SYCE1L: variants seen among roughly 807,000 people sequenced by gnomAD.
SYCE1L encodes the protein synaptonemal complex central element protein 1 like.
In SYCE1L, 51 loss-of-function variants were observed where a neutral mutation model predicts 39.6. The ratio of observed to expected loss-of-function variants is 1.29; its 90% confidence interval spans 1.03 to 1.63. SYCE1L has a LOEUF of 1.63. SYCE1L is among the 40% of genes most tolerant of loss of function. The pLI is 0.00. For synonymous variants in SYCE1L, 147 were observed against 122.4 expected, an observed-to-expected ratio of 1.20 and a Z score of -1.33; for missense variants, 426 against 304.9, an observed-to-expected ratio of 1.40 and a Z score of -2.96.
At chr16:77,212,094 C>A in intron 7 of SYCE1L, 36 bp from the exon 8 acceptor site, 1 of 1,533,740 alleles carries the variant, frequency 6.5e-7, no homozygotes, top group South Asian at 1.2e-5. Context: ...GCCAAGAGGA[C>A]GGCCAAACGG....
At chr16:77,200,424 C>G (rs1441504771) in intron 1 of SYCE1L, 1 of 151,236 alleles carries the variant, frequency 6.6e-6, no homozygotes, top group Non-Finnish European at 1.5e-5. Flanking sequence ...TGCACTCCAG[C>G]CTGGGTGACA....
At position 77,208,274 on chromosome 16, in the gene SYCE1L, A is replaced by C; in HGVS notation, c.181+5A>C. 6.4e-7 allele frequency: 1 copy of C among 1,551,636 alleles called. No individual in the cohort carries two copies. The highest frequency in any genetic ancestry group is 1.4e-5 in the African/African-American group (1 of 73,148). On this transcript the variant is annotated splice_donor_5th_base_variant and intron_variant, in intron 3 of 10. Coordinates refer to ENST00000378644, the MANE Select transcript of SYCE1L (RefSeq NM_001129979.3). ...GGATTAATGATCTTCAGCAAGGTAAACTTGGGGACTTAGACTGGCCAGCTG... is the reference window on the plus strand; with the variant it reads ...GGATTAATGATCTTCAGCAAGGTAACCTTGGGGACTTAGACTGGCCAGCTG...
In SYCE1L at chr16:77,200,256, G is replaced by GTATATATATATATGTATATATATATATA. The variant is rs2054719886; in HGVS notation, c.61+757_61+758insGTATATATATATATATATATATATATAT. On this transcript the variant is annotated intron_variant, in intron 1 of 10. Coordinates refer to ENST00000378644, the MANE Select transcript of SYCE1L (RefSeq NM_001129979.3). ...TGTATATATATATATATGTATATGT[G>GTATATATATATATGTATATATATATATA]TATATATATATATATGTGTATATAT... 5 of 83,636 alleles carry GTATATATATATATGTATATATATATATA rather than the reference G, an allele frequency of 6.0e-5. 1 individual carries two copies. Among genetic ancestry groups the GTATATATATATATGTATATATATATATA allele is most frequent in the African/African-American group, 1.5e-4 (4 of 26,958 alleles). The allele number at this position is 83,636 out of a possible 1,614,324, so 5.2% of individuals were successfully genotyped here. A position where few individuals can be genotyped will look rare whatever the true frequency, so the allele number is the denominator to read the frequency against.
chr16:77,209,985 C>G (rs928957532), intron 6 of SYCE1L, among the ~76,000 whole-genome samples: 4 of 152,208 alleles, frequency 2.6e-5, no homozygotes, highest in Non-Finnish European at 4.4e-5. Context: ...ATCATATATT[C>G]ACTTAGCCAA....
In SYCE1L at chr16:77,201,807, A is replaced by G. The variant is rs1391114970; in HGVS notation, c.61+2295A>G. On this transcript the variant is annotated intron_variant, in intron 1 of 10. Coordinates refer to ENST00000378644, the MANE Select transcript of SYCE1L (RefSeq NM_001129979.3). ...TGTATTAAATTATAAGTTCTAATTTAAATGTATTAAAATTAAATTATAAGT... is the reference window on the plus strand; with the variant it reads ...TGTATTAAATTATAAGTTCTAATTTGAATGTATTAAAATTAAATTATAAGT... 12 of 152,324 alleles carry G rather than the reference A, an allele frequency of 7.9e-5. 1 individual carries two copies. Among genetic ancestry groups the G allele is most frequent in the Admixed American group, 7.2e-4 (11 of 15,304 alleles). 9.4% of individuals were successfully genotyped at this position (152,324 alleles called of 1,614,324 possible). A position where few individuals can be genotyped will look rare whatever the true frequency, so the allele number is the denominator to read the frequency against.
chr16:77,206,742 C>A (rs962901028), intron 2 of SYCE1L, among the ~76,000 whole-genome samples: 3 of 152,152 alleles, frequency 2.0e-5, no homozygotes, highest in African/African-American at 7.2e-5. Flanking sequence ...CACCAGTCAT[C>A]TATTTCCCTG....
chr16:77,202,139 G>T (rs1567424059), intron 1 of SYCE1L: 1 of 152,232 alleles, frequency 6.6e-6, no homozygotes, highest in African/African-American at 2.4e-5. Context: ...TGGCACCTGA[G>T]GATCCTATAT....
chr16:77,200,921 C>G (rs185420784), intron 1 of SYCE1L: 1 of 152,118 alleles, frequency 6.6e-6, no homozygotes, highest in Non-Finnish European at 1.5e-5. Flanking sequence ...ACTGTTGTCA[C>G]CTTTCTGCCC....
At chr16:77,212,672 G>T (rs2142522704) in intron 10 of SYCE1L, 26 bp downstream of exon 10, 4 of 1,524,598 alleles carry the variant, frequency 2.6e-6, no homozygotes, top group Non-Finnish European at 3.5e-6. Flanking sequence ...AAGGGAGGCG[G>T]GGCGGGCAGG....
At position 77,213,120 on chromosome 16, in the gene SYCE1L, A is replaced by G; in HGVS notation, c.*189A>G. On this transcript the variant is annotated 3_prime_UTR_variant, in exon 11 of 11. Coordinates refer to ENST00000378644, the MANE Select transcript of SYCE1L (RefSeq NM_001129979.3). The stretch of plus-strand genomic sequence containing the variant: ...ACCAGTCGAGCCCCGGGCGCCGTAC[A>G]GAGGCTGGGTAAATGCTCCTGAACT... 6.0e-6 allele frequency: 3 copies of G among 497,806 alleles called. No individual in the cohort carries two copies. Among genetic ancestry groups the G allele is most frequent in the East Asian group, 3.5e-5 (1 of 28,952 alleles). The allele number at this position is 497,806 out of a possible 1,614,324, so 30.8% of individuals were successfully genotyped here. A position where few individuals can be genotyped will look rare whatever the true frequency, so the allele number is the denominator to read the frequency against.
At chr16:77,206,623 T>C (rs1038248533) in intron 2 of SYCE1L, 123 bp downstream of exon 2, 54 of 922,518 alleles carry the variant, frequency 5.9e-5, no homozygotes, top group African/African-American at 3.8e-4. Flanking sequence ...CTCCCTCTTA[T>C]ACAGTTTAAT....
At chr16:77,211,397 C>G in intron 7 of SYCE1L, 121 bp downstream of exon 7, 1 of 1,188,178 alleles carries the variant, frequency 8.4e-7, no homozygotes, top group Non-Finnish European at 1.2e-6. Context: ...TGATTCCTTG[C>G]TTCCGCTTGC....
At chr16:77,210,728 C>T (rs2054816586) in intron 6 of SYCE1L, among the ~76,000 whole-genome samples, 1 of 152,076 alleles carries the variant, frequency 6.6e-6, no homozygotes, top group Non-Finnish European at 1.5e-5. Flanking sequence ...CCATGGGGGA[C>T]AGGATGGACA....
Position 77,212,627 on chromosome 16 carries a change from T to C in SYCE1L, c.635T>C (p.Val212Ala), listed in dbSNP as rs13339340. 16 of 1,532,638 alleles carry C rather than the reference T, an allele frequency of 1.0e-5. No homozygotes were observed. In the African/African-American group the frequency reaches 1.5e-4, roughly 15 times the overall value. The allele number at this position is 1,532,638 out of a possible 1,614,324, so 94.9% of individuals were successfully genotyped here. A position where few individuals can be genotyped will look rare whatever the true frequency, so the allele number is the denominator to read the frequency against. The change falls in exon 10 of 11, where the codon GTC (valine) becomes GCC (alanine). Residue 212 changes from valine to alanine, a missense_variant. By Grantham distance (64) the Val-to-Ala change is moderately conservative. Transcript: ENST00000378644. ...FGEQVRSAPE[V>A]GAGEGEAGPE... is the part of the protein sequence containing the mutation. ...GAGCAGGTCCGGAGCGCCCCCGAGGTCGGGGCCGGCGAGGGAGAGGTAGGG... is the reference window on the plus strand; with the variant it reads ...GAGCAGGTCCGGAGCGCCCCCGAGGCCGGGGCCGGCGAGGGAGAGGTAGGG...
intron 2 of SYCE1L, 117 bp downstream of exon 2, chr16:77,206,617 C>G: frequency 1.0e-6 from 1 of 957,982 alleles, no homozygotes; most frequent in South Asian, 1.5e-5. Flanking sequence ...CACTTTCTCC[C>G]TCTTATACAG....
rs114870906 is a variant in SYCE1L, at chr16:77,211,316, C to A, written c.423+40C>A. 1,884 of 1,549,396 alleles carry A rather than the reference C, an allele frequency of 1.2e-3. 21 individuals carry two copies. In the African/African-American group the frequency reaches 0.023, roughly 19 times the overall value. ...TTGCCTGCAACCAAAGCCACTCCTC[C>A]CTGGCTTTAGTGTCGCACTGACTGG... On this transcript the variant is annotated intron_variant, in intron 7 of 10. Transcript: ENST00000378644.
intron 6 of SYCE1L, among the ~76,000 whole-genome samples, chr16:77,209,718 A>C (rs1333005320): frequency 6.6e-6 from 1 of 152,194 alleles, no homozygotes; most frequent in Non-Finnish European, 1.5e-5. Context: ...TCTTAGCCTC[A>C]GTCTTTTTCT....
At chr16:77,211,138 G>T in intron 6 of SYCE1L, 75 bp from the exon 7 acceptor site, 1 of 1,481,396 alleles carries the variant, frequency 6.8e-7, no homozygotes, top group Non-Finnish European at 9.2e-7. Context: ...GGATCTGAAG[G>T]CCTGTGCATG....
intron 2 of SYCE1L, among the ~76,000 whole-genome samples, chr16:77,207,877 A>G (rs2054796363): frequency 6.6e-6 from 1 of 152,008 alleles, no homozygotes; most frequent in Non-Finnish European, 1.5e-5. Context: ...TTACCCCCAC[A>G]GAACTGCAGG....
Sources: gnomAD v4.1 joint callset for allele counts (sites outside exome capture counted in the v4.1 genomes callset) on GRCh38, gnomAD v4.1.1 for gene constraint, MANE v1.5 for transcripts, NCBI Gene and HGNC (gene_info 2026-07-23, HGNC 2026-07-21) for gene names.